UBE2G2: variants seen among roughly 807,000 people sequenced by gnomAD.
UBE2G2 encodes the protein ubiquitin conjugating enzyme E2 G2.
UBE2G2 carries 10 observed loss-of-function variants against 23.0 expected under a neutral mutation model. The observed-to-expected ratio is 0.43, with a 90% CI of 0.27 to 0.74. The LOEUF (loss-of-function observed/expected upper bound fraction) is 0.74, where lower values mean the gene tolerates loss of function less well. Ranked by LOEUF, UBE2G2 falls within the 30% of genes least tolerant of loss-of-function variation. The pLI is 0.19. For missense variants in UBE2G2, 150 were observed against 218.3 expected (o/e 0.69, Z 1.97); for synonymous variants, 86 against 81.3 (o/e 1.06, Z -0.31).
intron 1 of UBE2G2, among the ~76,000 whole-genome samples, chr21:44,794,203 T>C (rs755971733): frequency 3.9e-5 from 6 of 152,234 alleles, no homozygotes; most frequent in Non-Finnish European, 8.8e-5. Flanking sequence ...CCTCCAGGAC[T>C]ATGAGGAAAT....
At chr21:44,785,921 G>C (rs1555961912) in intron 3 of UBE2G2, 2 of 152,158 alleles carry the variant, frequency 1.3e-5, no homozygotes, top group Admixed American at 1.3e-4. Context: ...TTTTAAGACA[G>C]GTTTTCAAAA....
At position 44,784,620 on chromosome 21, in the gene UBE2G2, A is replaced by C. The variant is rs2082981478; in HGVS notation, c.125+3300T>G. 8.5e-5 allele frequency among the ~76,000 whole-genome samples: 13 copies of C among 152,290 alleles called. 1 individual carries two copies. The South Asian group carries it at 2.7e-3, about 32-fold the overall frequency. ...CAGTCAACAAGAAACCTGGACATAA[A>C]GGGAGGCTGCTGTGCCCCGGACACT... On this transcript the variant is annotated intron_variant, in intron 3 of 5. Transcript: ENST00000345496.
At chr21:44,774,022 A>G (rs2082894631) in intron 4 of UBE2G2, 1 of 217,384 alleles carries the variant, frequency 4.6e-6, no homozygotes, top group Admixed American at 5.6e-5. Flanking sequence ...CAAAATATCT[A>G]ATGTGATTAG....
At chr21:44,786,100 G>A (rs2082994338) in intron 3 of UBE2G2, among the ~76,000 whole-genome samples, 1 of 151,618 alleles carries the variant, frequency 6.6e-6, no homozygotes, top group South Asian at 2.1e-4. Context: ...CTGCAGACAC[G>A]ACAGGCGCCT....
rs782475653 is a variant in UBE2G2 at position 44,777,286 on chromosome 21, C to T, written c.244+13G>A. ...ATCCTGGTACCACAAAAACTACTTC[C>T]AAAAGCACTTACTGTTGGGATGAAA... On this transcript the variant is annotated intron_variant, in intron 4 of 5. Transcript: ENST00000345496. 9.3e-6 allele frequency: 15 copies of T among 1,611,856 alleles called. 1 individual carries two copies. Among genetic ancestry groups the T allele is most frequent in the East Asian group, 2.2e-5 (1 of 44,862 alleles).
chr21:44,773,353 T>C (rs1478706744), intron 5 of UBE2G2, among the ~76,000 whole-genome samples, 194 bp downstream of exon 5: 4 of 152,160 alleles, frequency 2.6e-5, no homozygotes, highest in African/African-American at 4.8e-5. Context: ...CAATACAATA[T>C]ACAACCCCAG....
intron 1 of UBE2G2, 199 bp downstream of exon 1, chr21:44,801,507 G>T: frequency 9.2e-7 from 1 of 1,091,896 alleles, no homozygotes; most frequent in Non-Finnish European, 1.2e-6. Flanking sequence ...ATGCTGGGAA[G>T]GCTTCTCTTC....
chr21:44,779,041 T>C (rs1170493493), intron 3 of UBE2G2: 1 of 162,140 alleles, frequency 6.2e-6, no homozygotes, highest in Admixed American at 6.2e-5. Context: ...ATTATCTTGG[T>C]TCAGTGAAAT....
chr21:44,788,282 T>TG (rs1555962408), intron 1 of UBE2G2, among the ~76,000 whole-genome samples, 187 bp from the exon 2 acceptor site: 2 of 124,638 alleles, frequency 1.6e-5, no homozygotes, highest in Non-Finnish European at 1.9e-5. Context: ...ACACAAAGTT[T>TG]TTTTGTTTTT....
intron 1 of UBE2G2, among the ~76,000 whole-genome samples, chr21:44,793,497 G>A (rs1335352037): frequency 6.6e-6 from 1 of 152,218 alleles, no homozygotes; most frequent in African/African-American, 2.4e-5. Flanking sequence ...ATTCAACAGT[G>A]GCCTCTACTG....
At chr21:44,791,956 C>T (rs1481401212) in intron 1 of UBE2G2, among the ~76,000 whole-genome samples, 6 of 152,220 alleles carry the variant, frequency 3.9e-5, no homozygotes, top group Non-Finnish European at 8.8e-5. Flanking sequence ...ATGTGAGACA[C>T]GGGGTCACAA....
chr21:44,796,915 A>G (rs1555963903), intron 1 of UBE2G2, among the ~76,000 whole-genome samples: 1 of 152,154 alleles, frequency 6.6e-6, no homozygotes, highest in African/African-American at 2.4e-5. Context: ...AGATCTTGTC[A>G]TATGTTGAAT....
In UBE2G2 at chr21:44,771,451, T is replaced by TG; in HGVS notation, c.423dup (p.Lys142GlnfsTer6). ...TGCTCCCGGTCATCGCGCCACATTT[T>TG]GGACGCATCCACGTTAGCTCCACTT... On this transcript the variant is annotated frameshift_variant, in exon 6 of 6. Coordinates refer to ENST00000345496, the MANE Select transcript of UBE2G2 (RefSeq NM_003343.6). LOFTEE classifies it high-confidence loss of function. This position sits in a 1 kb window ranked among gnomAD's most constrained non-coding sequence, Gnocchi z 4.6. 6.2e-7 allele frequency: 1 copy of TG among 1,612,936 alleles called. No homozygotes were observed. Among genetic ancestry groups the TG allele is most frequent in the Non-Finnish European group, 8.5e-7 (1 of 1,180,038 alleles).
chr21:44,792,210 G>A (rs1300109270), intron 1 of UBE2G2, among the ~76,000 whole-genome samples: 4 of 152,158 alleles, frequency 2.6e-5, no homozygotes, highest in East Asian at 3.8e-4. Flanking sequence ...AGTTAATGAC[G>A]AAATGAGTTA....
intron 1 of UBE2G2, among the ~76,000 whole-genome samples, chr21:44,791,511 T>A (rs2083044802): frequency 6.6e-6 from 1 of 152,214 alleles, no homozygotes; most frequent in Non-Finnish European, 1.5e-5. Context: ...ACCCCAAGCC[T>A]TGGCAGCTTC....
chr21:44,779,663 C>T (rs1443606872), intron 3 of UBE2G2, among the ~76,000 whole-genome samples: 2 of 152,210 alleles, frequency 1.3e-5, no homozygotes, highest in African/African-American at 2.4e-5. Context: ...CAGAGTGAGG[C>T]GTGGCCACCC....
At chr21:44,801,403 C>A (rs1555964764) in intron 1 of UBE2G2, 2 of 1,202,434 alleles carry the variant, frequency 1.7e-6, no homozygotes, top group Admixed American at 4.6e-5. Flanking sequence ...TCAAGGCTGC[C>A]AAGAAAAGAA....
At chr21:44,778,084 G>A (rs768165642) in intron 3 of UBE2G2, among the ~76,000 whole-genome samples, 1 of 152,240 alleles carries the variant, frequency 6.6e-6, no homozygotes, top group Admixed American at 6.5e-5. Context: ...TTCTGCAGAT[G>A]TGGTACAATC....
Position 44,771,634 on chromosome 21 carries a change from G to T in UBE2G2, c.386-145C>A. 1 of 823,732 alleles carries T rather than the reference G, an allele frequency of 1.2e-6. No homozygotes were observed. Among genetic ancestry groups the T allele is most frequent in the Non-Finnish European group, 1.9e-6 (1 of 519,036 alleles). 51.0% of individuals were successfully genotyped at this position (823,732 alleles called of 1,614,324 possible). A position where few individuals can be genotyped will look rare whatever the true frequency, so the allele number is the denominator to read the frequency against. On this transcript the variant is annotated intron_variant, in intron 5 of 5. Coordinates refer to ENST00000345496, the MANE Select transcript of UBE2G2 (RefSeq NM_003343.6). This position sits in a 1 kb window ranked among gnomAD's most constrained non-coding sequence, Gnocchi z 4.6. ...AAGAACCTGAGAACTGCATGGGGTCGGCCCCACCTCTAGAGTGCTGGCCAC... is the reference window on the plus strand; with the variant it reads ...AAGAACCTGAGAACTGCATGGGGTCTGCCCCACCTCTAGAGTGCTGGCCAC...
Sources: allele counts gnomAD v4.1 joint callset (sites outside exome capture counted in the v4.1 genomes callset), GRCh38; gene constraint gnomAD v4.1.1; non-coding constraint Gnocchi (gnomAD v3.1); transcripts MANE v1.5; gene names NCBI Gene and HGNC (gene_info 2026-07-23, HGNC 2026-07-21).